The following ALK variants were observed in gnomAD, a reference collection of about 807,000 sequenced individuals.
The protein encoded by ALK is ALK tyrosine kinase receptor.
Under a neutral mutation model 163.1 loss-of-function variants are expected in ALK, and 74 were observed. The observed-to-expected ratio is 0.45, with a 90% CI of 0.38 to 0.55. The LOEUF (loss-of-function observed/expected upper bound fraction) is 0.55. Among genes scored for constraint, ALK ranks in the 20% least tolerant of loss-of-function variants. The pLI is 0.00. For missense variants in ALK, 2,063 were observed against 2,105.3 expected (o/e 0.98, Z 0.39); for synonymous variants, 960 against 843.2 (o/e 1.14, Z -2.40).
chr2:29,629,928 G>C (rs1292146793), intron 3 of ALK, among the ~76,000 whole-genome samples: 2 of 152,142 alleles, frequency 1.3e-5, no homozygotes. Context: ...TCTATAAAAT[G>C]ATGAACATAT....
chr2:29,830,245 C>T (rs1032068825), intron 1 of ALK, among the ~76,000 whole-genome samples: 21 of 152,318 alleles, frequency 1.4e-4, no homozygotes, highest in African/African-American at 4.8e-4. Flanking sequence ...GTTCTTTTCC[C>T]TTCCAATTGA....
chr2:29,858,487 C>T (rs1666202056), intron 1 of ALK, among the ~76,000 whole-genome samples: 1 of 151,638 alleles, frequency 6.6e-6, no homozygotes, highest in African/African-American at 2.4e-5. Context: ...AATCCCAGCA[C>T]TTTGGGAGGT....
intron 3 of ALK, among the ~76,000 whole-genome samples, chr2:29,543,441 T>C (rs1673467910): frequency 6.6e-6 from 1 of 152,228 alleles, no homozygotes; most frequent in Admixed American, 6.5e-5. Flanking sequence ...AGGTGACTGC[T>C]TCCCAGTGCC....
At chr2:29,581,411 G>T (rs1013534057) in intron 3 of ALK, among the ~76,000 whole-genome samples, 1 of 142,630 alleles carries the variant, frequency 7.0e-6, no homozygotes, top group Non-Finnish European at 1.6e-5. Context: ...TAAAATAAAA[G>T]AGTCAAAGCA....
chr2:29,256,573 A>G (rs1166174623), intron 11 of ALK, among the ~76,000 whole-genome samples: 3 of 151,446 alleles, frequency 2.0e-5, no homozygotes, highest in African/African-American at 7.3e-5. Flanking sequence ...AAAGGGGCTC[A>G]GCTCCCCAGG....
intron 4 of ALK, among the ~76,000 whole-genome samples, chr2:29,462,822 A>G (rs1319021401): frequency 6.6e-6 from 1 of 152,158 alleles, no homozygotes; most frequent in African/African-American, 2.4e-5. Flanking sequence ...TTATAAAGCA[A>G]ATCATTATAA....
At chr2:29,523,379 T>C (rs1672866667) in intron 4 of ALK, among the ~76,000 whole-genome samples, 2 of 152,176 alleles carry the variant, frequency 1.3e-5, no homozygotes, top group Non-Finnish European at 2.9e-5. Context: ...ACTGTGTCTG[T>C]CGTCCAACTC....
intron 3 of ALK, among the ~76,000 whole-genome samples, chr2:29,551,516 T>C (rs1673712708): frequency 6.6e-6 from 1 of 152,122 alleles, no homozygotes; most frequent in Non-Finnish European, 1.5e-5. Context: ...TGACCTCCCA[T>C]AGCCACAAAG....
chr2:29,797,757 A>C (rs1403510258), intron 1 of ALK, among the ~76,000 whole-genome samples: 1 of 152,196 alleles, frequency 6.6e-6, no homozygotes, highest in East Asian at 1.9e-4. Flanking sequence ...CCATGCACAA[A>C]GTAGGTGCTA....
intron 3 of ALK, among the ~76,000 whole-genome samples, chr2:29,533,076 G>A (rs1673161591): frequency 6.6e-6 from 1 of 152,206 alleles, no homozygotes; most frequent in Non-Finnish European, 1.5e-5. Flanking sequence ...TACTCAAAAG[G>A]AAGGTGTTGT....
chr2:29,544,763 C>T (rs1380661358), intron 3 of ALK, among the ~76,000 whole-genome samples: 1 of 152,056 alleles, frequency 6.6e-6, no homozygotes, highest in African/African-American at 2.4e-5. Context: ...CTCTGAGTTA[C>T]TGCACTGGTC....
intron 1 of ALK, among the ~76,000 whole-genome samples, chr2:29,848,510 T>C (rs1376827814): frequency 6.6e-6 from 1 of 152,232 alleles, no homozygotes; most frequent in East Asian, 1.9e-4. Flanking sequence ...GTGTTTCTGC[T>C]AGCCTGCAGG....
intron 1 of ALK, among the ~76,000 whole-genome samples, chr2:29,847,432 CT>C (rs1243524577): frequency 5.9e-5 from 9 of 152,120 alleles, no homozygotes; most frequent in Non-Finnish European, 1.0e-4. Flanking sequence ...ATAAAAGCAA[CT>C]TGCTGATCAG....
chr2:29,378,752 G>C (rs1465817688), intron 5 of ALK, among the ~76,000 whole-genome samples: 1 of 145,464 alleles, frequency 6.9e-6, no homozygotes, highest in Non-Finnish European at 1.5e-5. Flanking sequence ...GTCTTGCTCT[G>C]TCACCCAGGC....
At chr2:29,420,244 A>G (rs1440684839) in intron 4 of ALK, among the ~76,000 whole-genome samples, 1 of 151,312 alleles carries the variant, frequency 6.6e-6, no homozygotes, top group Non-Finnish European at 1.5e-5. Context: ...TTAATGAACA[A>G]TTAGGTTCAG....
At chr2:29,603,186 T>C (rs186720921) in intron 3 of ALK, among the ~76,000 whole-genome samples, 14 of 152,278 alleles carry the variant, frequency 9.2e-5, no homozygotes, top group Admixed American at 7.2e-4. Context: ...TGGCCACTCA[T>C]AGAAGCAATA....
chr2:29,253,881 TAG>T (rs1664886139), intron 11 of ALK, among the ~76,000 whole-genome samples: 1 of 142,932 alleles, frequency 7.0e-6, no homozygotes, highest in Non-Finnish European at 1.5e-5. Context: ...GATAGATAGA[TAG>T]ATAGATAGAT....
intron 23 of ALK, among the ~76,000 whole-genome samples, chr2:29,217,935 G>A (rs1669686047): frequency 6.6e-6 from 1 of 152,180 alleles, no homozygotes; most frequent in Admixed American, 6.5e-5. Flanking sequence ...TTTATCCTGT[G>A]TAGGATTTAC....
chr2:29,748,415 G>A (rs1011931259), intron 1 of ALK, among the ~76,000 whole-genome samples: 2 of 152,176 alleles, frequency 1.3e-5, no homozygotes, highest in East Asian at 1.9e-4. Context: ...GTTAATGTGT[G>A]TATGAATCAC....
Sources: allele counts gnomAD v4.1 joint callset (sites outside exome capture counted in the v4.1 genomes callset), GRCh38; gene constraint gnomAD v4.1.1; transcripts MANE v1.5; gene names NCBI Gene and HGNC (gene_info 2026-07-23, HGNC 2026-07-21).